The following SPAG16 variants were observed in gnomAD, a reference collection of about 807,000 sequenced individuals.
SPAG16 encodes sperm associated antigen 16.
In SPAG16, 86 loss-of-function variants were observed where a neutral mutation model predicts 80.4. That is an observed-to-expected ratio of 1.07 (90% CI 0.90 to 1.28). SPAG16 has a LOEUF of 1.28. Ranked by LOEUF, SPAG16 falls within the 50% of genes most tolerant of loss-of-function variation. The pLI is 0.00. For missense variants in SPAG16, 870 were observed against 765.3 expected, an observed-to-expected ratio of 1.14 and a Z score of -1.61; for synonymous variants, 294 against 265.9, an observed-to-expected ratio of 1.11 and a Z score of -1.03.
intron 10 of SPAG16, among the ~76,000 whole-genome samples, chr2:213,724,682 G>A (rs1363338978): frequency 6.8e-6 from 1 of 146,714 alleles, no homozygotes; most frequent in Non-Finnish European, 1.5e-5. Flanking sequence ...GGAGGCTGAG[G>A]CAGGAGAATT....
In SPAG16 at chr2:213,703,087, T is replaced by C. The variant is rs115238952; in HGVS notation, c.1071-159398T>C. Among the ~76,000 whole-genome samples the C allele has an allele frequency of 2.9e-3, 439 of 152,306 alleles. 2 individuals carry two copies. Among genetic ancestry groups the C allele is most frequent in the African/African-American group, 0.01 (419 of 41,562 alleles). On this transcript the variant is annotated intron_variant, in intron 10 of 15. Transcript: ENST00000331683. Reference sequence around the variant, plus strand: ...AGACGTTTTAATGGTCAGTACACACTTTGCCATTCTCTTTTTCCCTCTCCT... The same window carrying C: ...AGACGTTTTAATGGTCAGTACACACCTTGCCATTCTCTTTTTCCCTCTCCT...
chr2:213,925,853 C>A (rs2078447713), intron 11 of SPAG16, among the ~76,000 whole-genome samples: 1 of 152,120 alleles, frequency 6.6e-6, no homozygotes, highest in African/African-American at 2.4e-5. Context: ...ACATATTTAT[C>A]ACTATATAAA....
chr2:214,165,985 A>G (rs539585478), intron 15 of SPAG16, among the ~76,000 whole-genome samples: 1,529 of 152,328 alleles, frequency 0.01, 23 homozygotes, highest in African/African-American at 0.035. Flanking sequence ...TCAGGAAAAG[A>G]TAATCACTGA....
chr2:213,460,216 A>C (rs2125609237), intron 9 of SPAG16, among the ~76,000 whole-genome samples: 1 of 152,258 alleles, frequency 6.6e-6, no homozygotes, highest in Middle Eastern at 3.4e-3. Context: ...TACCTGCAGT[A>C]CCAGGATTTG....
chr2:213,824,040 T>A (rs1191356321), intron 10 of SPAG16, among the ~76,000 whole-genome samples: 1 of 152,218 alleles, frequency 6.6e-6, no homozygotes, highest in Non-Finnish European at 1.5e-5. Flanking sequence ...GTTTTTATAG[T>A]TTTGGGTTTT....
At chr2:213,880,492 G>A (rs953899515) in intron 11 of SPAG16, among the ~76,000 whole-genome samples, 2 of 152,106 alleles carry the variant, frequency 1.3e-5, no homozygotes, top group African/African-American at 4.8e-5. Context: ...GGTCTCACTT[G>A]TCAATTTCTG....
chr2:213,980,712 G>GTGTGTGTATATATA lies in SPAG16; in HGVS notation c.1401-33238_1401-33237insGTGTGTATATATAT, dbSNP rs1469351640. Among the ~76,000 whole-genome samples, 19 of 114,002 alleles carry GTGTGTGTATATATA rather than the reference G, an allele frequency of 1.7e-4. 1 individual carries two copies. Among genetic ancestry groups the GTGTGTGTATATATA allele is most frequent in the African/African-American group, 6.9e-4 (18 of 26,132 alleles). The allele number at this position is 114,002 out of a possible 152,430, so 74.8% of individuals were successfully genotyped here. A position where few individuals can be genotyped will look rare whatever the true frequency, so the allele number is the denominator to read the frequency against. Reference sequence around the variant, plus strand: ...ATAGAATATATGTGTGTGTGTGTGTGTATATATATATATAGAGAGAGAGAG... The same window carrying GTGTGTGTATATATA: ...ATAGAATATATGTGTGTGTGTGTGTGTGTGTGTATATATATATATATATATATAGAGAGAGAGAG... On this transcript the variant is annotated intron_variant, in intron 12 of 15. Coordinates refer to ENST00000331683, the MANE Select transcript of SPAG16 (RefSeq NM_024532.5).
intron 10 of SPAG16, among the ~76,000 whole-genome samples, chr2:213,735,423 C>T (rs2067238883): frequency 6.6e-6 from 1 of 152,148 alleles, no homozygotes; most frequent in South Asian, 2.1e-4. Context: ...GAGTATTTCT[C>T]AGTAATATAA....
chr2:213,881,305 A>G (rs2106028470), intron 11 of SPAG16, among the ~76,000 whole-genome samples: 1 of 152,280 alleles, frequency 6.6e-6, no homozygotes, highest in East Asian at 1.9e-4. Flanking sequence ...ATTTTTACAT[A>G]TTGATTTTGT....
At chr2:213,638,514 A>G (rs1329026941) in intron 10 of SPAG16, among the ~76,000 whole-genome samples, 2 of 152,166 alleles carry the variant, frequency 1.3e-5, no homozygotes, top group Non-Finnish European at 2.9e-5. Flanking sequence ...AAGACCATTC[A>G]GGAGCAGATT....
intron 9 of SPAG16, among the ~76,000 whole-genome samples, chr2:213,452,202 A>G (rs1476529891): frequency 6.6e-6 from 1 of 152,160 alleles, no homozygotes; most frequent in Non-Finnish European, 1.5e-5. Context: ...GCGTGAGGTT[A>G]GAATGGGAGC....
At chr2:213,914,508 A>AG (rs2077856001) in intron 11 of SPAG16, among the ~76,000 whole-genome samples, 1 of 152,124 alleles carries the variant, frequency 6.6e-6, no homozygotes, top group African/African-American at 2.4e-5. Flanking sequence ...TACGCTTTCT[A>AG]ACCTCAAAAT....
At chr2:214,010,813 T>C (rs979938147) in intron 12 of SPAG16, among the ~76,000 whole-genome samples, 1 of 146,558 alleles carries the variant, frequency 6.8e-6, no homozygotes, top group East Asian at 2.0e-4. Flanking sequence ...GATCAAAATA[T>C]GTGATGATTT....
intron 3 of SPAG16, among the ~76,000 whole-genome samples, chr2:213,301,829 A>T (rs908270396): frequency 6.6e-6 from 1 of 152,078 alleles, no homozygotes; most frequent in Non-Finnish European, 1.5e-5. Flanking sequence ...CTGAGCCTTA[A>T]TGGATTGAAT....
chr2:214,030,143 G>A (rs770183897), intron 13 of SPAG16, among the ~76,000 whole-genome samples: 17 of 152,072 alleles, frequency 1.1e-4, no homozygotes, highest in Middle Eastern at 6.8e-3. Context: ...TCCCCCTTCC[G>A]CAGGTCCTAG....
intron 15 of SPAG16, among the ~76,000 whole-genome samples, chr2:214,259,165 G>C (rs1331669275): frequency 1.3e-5 from 2 of 151,318 alleles, no homozygotes; most frequent in African/African-American, 4.9e-5. Context: ...TTTTCCTAAG[G>C]AGGGTTGATT....
At chr2:213,779,465 G>T (rs2069808685) in intron 10 of SPAG16, among the ~76,000 whole-genome samples, 3 of 152,178 alleles carry the variant, frequency 2.0e-5, no homozygotes, top group Admixed American at 1.3e-4. Context: ...GATATGTTCA[G>T]TTCTGCCCTC....
intron 10 of SPAG16, among the ~76,000 whole-genome samples, chr2:213,835,648 A>G (rs919702337): frequency 2.0e-5 from 3 of 152,118 alleles, no homozygotes; most frequent in African/African-American, 7.2e-5. Context: ...AATAATCCCA[A>G]TGGGAGATTT....
intron 15 of SPAG16, among the ~76,000 whole-genome samples, chr2:214,324,274 A>G (rs1441588959): frequency 1.3e-5 from 2 of 152,188 alleles, no homozygotes; most frequent in African/African-American, 4.8e-5. Context: ...TTTCTTTTCA[A>G]GTATACTTTG....
Sources: allele counts gnomAD v4.1 joint callset (sites outside exome capture counted in the v4.1 genomes callset), GRCh38; gene constraint gnomAD v4.1.1; transcripts MANE v1.5; gene names NCBI Gene and HGNC (gene_info 2026-07-23, HGNC 2026-07-21).